PTGIR: variants seen among roughly 807,000 people sequenced by gnomAD.
PTGIR encodes prostaglandin I2 receptor, also known as prostacyclin receptor.
In PTGIR, 16 loss-of-function variants were observed where a neutral mutation model predicts 17.6. That is an observed-to-expected ratio of 0.91 (90% CI 0.61 to 1.38). PTGIR has a LOEUF of 1.38. Among genes scored for constraint, PTGIR ranks in the 40% most tolerant of loss-of-function variants. PTGIR has a pLI of 0.00. For synonymous variants in PTGIR, 274 were observed against 255.4 expected, an observed-to-expected ratio of 1.07 and a Z score of -0.69; for missense variants, 532 against 548.6, an observed-to-expected ratio of 0.97 and a Z score of 0.30.
At chr19:46,613,359 C>T in the PTGIR span, among the ~76,000 whole-genome samples, 1 of 96,610 alleles carries the variant, frequency 1.0e-5, no homozygotes, top group African/African-American at 4.3e-5. Context: ...CCCCCCCATG[C>T]CCCCCCTTCC....
Position 46,621,710 on chromosome 19 carries a change from G to C in PTGIR, c.769-38C>G. ...TGAGGGCGTCAAGGAGCACCCAGGA[G>C]TCCTCAGCCTCCCCACCCTGGCTCC... On this transcript the variant is annotated intron_variant, in intron 2 of 2. Transcript: ENST00000291294. This position sits in a 1 kb window ranked among gnomAD's most constrained non-coding sequence, Gnocchi z 4.8. The C allele has an allele frequency of 6.3e-7, 1 of 1,577,240 alleles. No homozygotes were observed. The highest frequency in any genetic ancestry group is 8.6e-7 in the Non-Finnish European group (1 of 1,159,600).
rs779323605 is a variant in PTGIR at position 46,623,823 on chromosome 19, A to T, written c.403T>A (p.Cys135Ser). 1 of 1,606,902 alleles carries T rather than the reference A, an allele frequency of 6.2e-7. No homozygotes were observed. Among genetic ancestry groups the T allele is most frequent in the African/African-American group, 1.3e-5 (1 of 74,986 alleles). Reference sequence around the variant, plus strand: ...ATGGCTGGCAGCGCCAGGCGGGCGCAGCGGGGCCCGTCCAGCTGCGCGTAG... The same window carrying T: ...ATGGCTGGCAGCGCCAGGCGGGCGCTGCGGGGCCCGTCCAGCTGCGCGTAG... ...YLYAQLDGPR[C>S]ARLALPAIYA... Residue 135 changes from cysteine (C) to serine (S), a missense_variant, in exon 2 of 3, where the codon TGC becomes AGC. Physicochemically the swap from Cys to Ser is moderately radical, Grantham distance 112. Coordinates refer to ENST00000291294, the MANE Select transcript of PTGIR (RefSeq NM_000960.4).
In PTGIR at chr19:46,623,942, A is replaced by G; in HGVS notation, c.284T>C (p.Phe95Ser). The G allele has an allele frequency of 6.3e-7, 1 of 1,596,290 alleles. No individual in the cohort carries two copies. Among genetic ancestry groups the G allele is most frequent in the Non-Finnish European group, 8.5e-7 (1 of 1,170,884 alleles). The change falls in exon 2 of 3, where the codon TTC (phenylalanine) becomes TCC (serine). Residue 95 changes from phenylalanine to serine, a missense_variant. Physicochemically the swap from Phe to Ser is radical, Grantham distance 155. Coordinates refer to ENST00000291294, the MANE Select transcript of PTGIR (RefSeq NM_000960.4). ...GCCGAAGAAGGTCATGGCGAAGGCG[A>G]AGGCATCGCACAGGGCGGGGCCGCC... ...ARGGPALCDA[F>S]AFAMTFFGLA...
chr19:46,620,445 C>T, downstream of PTGIR: 1 of 985,410 alleles, frequency 1.0e-6, no homozygotes, highest in Non-Finnish European at 1.2e-6. Context: ...TTGGTGAGGG[C>T]TCTAAGGACA....
intron 2 of PTGIR, 68 bp downstream of exon 2, chr19:46,623,390 A>T: frequency 7.0e-7 from 1 of 1,435,604 alleles, no homozygotes; most frequent in African/African-American, 1.4e-5. Flanking sequence ...CCCATCTGTG[A>T]CATGGGCACA....
chr19:46,622,186 G>T, intron 2 of PTGIR: 1 of 985,356 alleles, frequency 1.0e-6, no homozygotes. Flanking sequence ...ACACTGAGTG[G>T]GTACCAGGGT....
the PTGIR span, among the ~76,000 whole-genome samples, chr19:46,611,520 C>G: frequency 6.6e-6 from 1 of 152,222 alleles, no homozygotes; most frequent in East Asian, 1.9e-4. Flanking sequence ...AATTGCAAAC[C>G]ACACAAGGCA....
At chr19:46,615,110 AC>A in the PTGIR span, among the ~76,000 whole-genome samples, 4 of 152,044 alleles carry the variant, frequency 2.6e-5, no homozygotes, top group Non-Finnish European at 5.9e-5. Context: ...AATTGCTTGA[AC>A]CCGGGAGGTG....
Position 46,624,062 on chromosome 19 carries a change from C to G in PTGIR, c.164G>C (p.Gly55Ala). 6.5e-7 allele frequency: 1 copy of G among 1,539,264 alleles called. No homozygotes were observed. The highest frequency in any genetic ancestry group is 1.4e-5 in the African/African-American group (1 of 72,928). ...RPSAFAVLVT[G>A]LAATDLLGTS... ...GCCCAGCAGGTCGGTGGCCGCCAGT[C>G]CGGTCACCAGCACCGCGAAGGCCGA... The change falls in exon 2 of 3, where the codon GGA becomes GCA. Residue 55 changes from glycine (G) to alanine (A), a missense_variant. Transcript: ENST00000291294.
rs2052731017 is a variant in PTGIR, at chr19:46,621,770, G to A, written c.769-98C>T. Reference sequence around the variant, plus strand: ...CTTGCTTACCAGGGATGAGGTAGGGGTGACATGTCAGAGGGGAAGGAGATA... The same window carrying A: ...CTTGCTTACCAGGGATGAGGTAGGGATGACATGTCAGAGGGGAAGGAGATA... On this transcript the variant is annotated intron_variant, in intron 2 of 2. Coordinates refer to ENST00000291294, the MANE Select transcript of PTGIR (RefSeq NM_000960.4). The surrounding 1 kb of genome is among the most constrained non-coding windows in gnomAD (Gnocchi z 4.8). 2 of 1,486,906 alleles carry A rather than the reference G, an allele frequency of 1.3e-6. No homozygotes were observed. The highest frequency in any genetic ancestry group is 1.8e-6 in the Non-Finnish European group (2 of 1,118,444). 92.1% of individuals were successfully genotyped at this position (1,486,906 alleles called of 1,614,324 possible). A position where few individuals can be genotyped will look rare whatever the true frequency, so the allele number is the denominator to read the frequency against.
At position 46,623,833 on chromosome 19, in the gene PTGIR, G is replaced by A. The variant is rs200092830; in HGVS notation, c.393C>T (p.Asp131=). Reference sequence around the variant, plus strand: ...GCGCCAGGCGGGCGCAGCGGGGCCCGTCCAGCTGCGCGTAGAGGTAGGGGT... The same window carrying A: ...GCGCCAGGCGGGCGCAGCGGGGCCCATCCAGCTGCGCGTAGAGGTAGGGGT... The part of the protein sequence containing the change: ...LSHPYLYAQL[D]GPRCARLALP... The change falls in exon 2 of 3, where the codon GAC becomes GAT. Residue 131 remains aspartate, a synonymous_variant. Transcript: ENST00000291294. The A allele has an allele frequency of 1.9e-5, 30 of 1,607,490 alleles. No individual in the cohort carries two copies. In the African/African-American group the frequency reaches 1.9e-4, roughly 10 times the overall value.
chr19:46,620,411 T>TTGAA (rs932093825), downstream of PTGIR: 27 of 983,492 alleles, frequency 2.7e-5, no homozygotes, highest in Middle Eastern at 5.2e-4. Flanking sequence ...CAAGTATCTG[T>TTGAA]TGAATGAATG....
chr19:46,619,662 G>GAA (rs375083652), downstream of PTGIR, among the ~76,000 whole-genome samples: 1 of 128,544 alleles, frequency 7.8e-6, no homozygotes, highest in South Asian at 2.6e-4. Flanking sequence ...AGAAAAGAAA[G>GAA]AAAGAAAGAA....
chr19:46,612,322 G>A, the PTGIR span, among the ~76,000 whole-genome samples: 1 of 152,214 alleles, frequency 6.6e-6, no homozygotes. Context: ...CTGAGCTGAG[G>A]ATTGGATGAG....
At chr19:46,619,624 A>G (rs566787380), downstream of PTGIR, among the ~76,000 whole-genome samples, 1 of 135,708 alleles carries the variant, frequency 7.4e-6, no homozygotes, top group African/African-American at 3.0e-5. Context: ...AAAGAAAGAA[A>G]GAAAGAAAGA....
chr19:46,619,545 GAAA>G (rs1568675486), downstream of PTGIR, among the ~76,000 whole-genome samples: 10 of 56,286 alleles, frequency 1.8e-4, no homozygotes, highest in Non-Finnish European at 2.9e-4. Context: ...AAGAAAGAAA[GAAA>G]GAGAGAGAGA....
chr19:46,613,854 A>T, the PTGIR span, among the ~76,000 whole-genome samples: 1 of 152,140 alleles, frequency 6.6e-6, no homozygotes, highest in Non-Finnish European at 1.5e-5. Context: ...GCGCACTCGG[A>T]TCCCAACGCC....
chr19:46,623,666 G>C lies in PTGIR; in HGVS notation c.560C>G (p.Ala187Gly). 1 of 1,550,092 alleles carries C rather than the reference G, an allele frequency of 6.5e-7. No homozygotes were observed. The highest frequency in any genetic ancestry group is 8.7e-7 in the Non-Finnish European group (1 of 1,149,672). Residue 187 changes from alanine (A) to glycine (G), a missense_variant, in exon 2 of 3, where the codon GCC becomes GGC. Coordinates refer to ENST00000291294, the MANE Select transcript of PTGIR (RefSeq NM_000960.4). Reference protein sequence around the residue: ...AQPGGAAFSLAYAGLVALLVA... With the variant: ...AQPGGAAFSLGYAGLVALLVA... ...CAGCAGGGCCACCAGGCCGGCGTAGGCCAGCGAGAAGGCGGCGCCGCCCGG... is the reference window on the plus strand; with the variant it reads ...CAGCAGGGCCACCAGGCCGGCGTAGCCCAGCGAGAAGGCGGCGCCGCCCGG...
At position 46,621,031 on chromosome 19, in the gene PTGIR, C is replaced by T. The variant is rs2052720437; in HGVS notation, c.*249G>A. On this transcript the variant is annotated 3_prime_UTR_variant, in exon 3 of 3. Transcript: ENST00000291294. This position sits in a 1 kb window ranked among gnomAD's most constrained non-coding sequence, Gnocchi z 4.8. ...ATGGATGGGGAATCCAGGGCCAGAG[C>T]AGGTCGGCCAGGCCACTGGTTATTT... 2.5e-6 allele frequency: 3 copies of T among 1,200,578 alleles called. No homozygotes were observed. In the South Asian group the frequency reaches 1.2e-4, roughly 47 times the overall value. 74.4% of individuals were successfully genotyped at this position (1,200,578 alleles called of 1,614,324 possible). A position where few individuals can be genotyped will look rare whatever the true frequency, so the allele number is the denominator to read the frequency against.
Sources: allele counts gnomAD v4.1 joint callset (sites outside exome capture counted in the v4.1 genomes callset), GRCh38; gene constraint gnomAD v4.1.1; non-coding constraint Gnocchi (gnomAD v3.1); transcripts MANE v1.5; gene names NCBI Gene and HGNC (gene_info 2026-07-23, HGNC 2026-07-21).